Variants in RBM47 observed in about 807,000 individuals in gnomAD.
The protein encoded by RBM47 is RNA-binding protein 47.
Under a neutral mutation model 47.1 loss-of-function variants are expected in RBM47, and 21 were observed. That is an observed-to-expected ratio of 0.45 (90% CI 0.32 to 0.64). The LOEUF (loss-of-function observed/expected upper bound fraction) is 0.64. Ranked by LOEUF, RBM47 falls within the 30% of genes least tolerant of loss-of-function variation. RBM47 has a pLI of 0.05. For missense variants in RBM47, 708 were observed against 870.9 expected, an observed-to-expected ratio of 0.81 and a Z score of 2.35; for synonymous variants, 375 against 361.7, an observed-to-expected ratio of 1.04 and a Z score of -0.42.
intron 2 of RBM47, among the ~76,000 whole-genome samples, chr4:40,489,802 C>T (rs950718695): frequency 2.2e-4 from 34 of 152,186 alleles, no homozygotes; most frequent in African/African-American, 7.7e-4. Context: ...GGGACTAGAA[C>T]ACTTCCCACT....
intron 2 of RBM47, among the ~76,000 whole-genome samples, chr4:40,486,595 C>T (rs772335882): frequency 2.6e-5 from 4 of 152,078 alleles, no homozygotes; most frequent in Non-Finnish European, 4.4e-5. Flanking sequence ...GTCAGGAGTT[C>T]GAGACCAGAC....
At chr4:40,556,513 A>T (rs906870960) in intron 1 of RBM47, among the ~76,000 whole-genome samples, 2 of 152,092 alleles carry the variant, frequency 1.3e-5, no homozygotes, top group Admixed American at 6.6e-5. Flanking sequence ...TCTCAAAAAT[A>T]AAGTAATTGC....
intron 1 of RBM47, among the ~76,000 whole-genome samples, chr4:40,569,619 C>CA (rs1731503417): frequency 6.6e-6 from 1 of 151,730 alleles, no homozygotes; most frequent in Non-Finnish European, 1.5e-5. Context: ...CCGTGTTAGC[C>CA]AGGACGGTCT....
chr4:40,484,925 C>G (rs901721017), intron 2 of RBM47, among the ~76,000 whole-genome samples: 1 of 152,296 alleles, frequency 6.6e-6, no homozygotes, highest in South Asian at 2.1e-4. Flanking sequence ...CACAACATTG[C>G]CTAAACAGCA....
intron 1 of RBM47, among the ~76,000 whole-genome samples, chr4:40,585,159 G>C (rs992764713): frequency 1.2e-4 from 18 of 152,148 alleles, no homozygotes; most frequent in African/African-American, 4.3e-4. Flanking sequence ...ACAAATCCTT[G>C]TTTGCAAAAT....
chr4:40,583,483 C>G (rs1733192166), intron 1 of RBM47, among the ~76,000 whole-genome samples: 1 of 151,324 alleles, frequency 6.6e-6, no homozygotes, highest in Non-Finnish European at 1.5e-5. Context: ...GAGGAAACTC[C>G]TGGCCTCAGG....
rs1724422278 is a variant in RBM47 at position 40,508,440 on chromosome 4, CA to C, written c.-155+35981del. On this transcript the variant is annotated intron_variant, in intron 2 of 6. Coordinates refer to ENST00000295971, the MANE Select transcript of RBM47 (RefSeq NM_001098634.2). ...GCTGGCACAGATAGGGAATGATTTT[CA>C]GCTCATATAGTCATGTTTTTAATTC... Among the ~76,000 whole-genome samples the C allele has an allele frequency of 3.3e-5, 5 of 152,368 alleles. No individual in the cohort carries two copies. The South Asian group carries it at 1.0e-3, about 32-fold the overall frequency.
chr4:40,478,176 C>A (rs536348296), intron 2 of RBM47, among the ~76,000 whole-genome samples: 4 of 151,956 alleles, frequency 2.6e-5, no homozygotes, highest in Non-Finnish European at 4.4e-5. Context: ...CCACCACGCC[C>A]GGATAATTTT....
intron 2 of RBM47, among the ~76,000 whole-genome samples, chr4:40,505,219 T>C (rs1723929789): frequency 6.6e-6 from 1 of 152,026 alleles, no homozygotes; most frequent in Non-Finnish European, 1.5e-5. Context: ...CTGGGCACTG[T>C]GGCTCACGTC....
At chr4:40,559,184 A>G (rs879347313) in intron 1 of RBM47, among the ~76,000 whole-genome samples, 2 of 152,214 alleles carry the variant, frequency 1.3e-5, no homozygotes, top group Non-Finnish European at 2.9e-5. Flanking sequence ...TACTTCACCA[A>G]GACAGAATAT....
chr4:40,549,685 G>C (rs1729373071), intron 1 of RBM47, among the ~76,000 whole-genome samples: 1 of 151,018 alleles, frequency 6.6e-6, no homozygotes, highest in Non-Finnish European at 1.5e-5. Context: ...ACCATGCCCA[G>C]CTAATTTTTT....
intron 1 of RBM47, among the ~76,000 whole-genome samples, chr4:40,626,332 T>G (rs1486192059): frequency 6.6e-6 from 1 of 152,208 alleles, no homozygotes; most frequent in Non-Finnish European, 1.5e-5. Flanking sequence ...TGTAATCAGT[T>G]TACTTTTGGT....
At chr4:40,451,037 G>A (rs373588223) in intron 3 of RBM47, among the ~76,000 whole-genome samples, 34 of 152,142 alleles carry the variant, frequency 2.2e-4, no homozygotes, top group Non-Finnish European at 4.0e-4. Context: ...CTGGTGTCTT[G>A]ATCTGGCTCT....
chr4:40,592,573 C>T (rs761539130), intron 1 of RBM47, among the ~76,000 whole-genome samples: 15 of 151,698 alleles, frequency 9.9e-5, no homozygotes, highest in African/African-American at 2.4e-4. Flanking sequence ...TACAGGCATG[C>T]GACACCATGC....
At chr4:40,602,066 G>A (rs1014435933) in intron 1 of RBM47, among the ~76,000 whole-genome samples, 8 of 152,086 alleles carry the variant, frequency 5.3e-5, no homozygotes, top group African/African-American at 9.7e-5. Flanking sequence ...CTACTCAGGG[G>A]CTGAGGCAGG....
intron 1 of RBM47, among the ~76,000 whole-genome samples, chr4:40,610,576 C>G (rs531439593): frequency 6.9e-6 from 1 of 144,114 alleles, no homozygotes; most frequent in East Asian, 2.0e-4. Flanking sequence ...CGCCACTGCA[C>G]TCCAGCCTGG....
chr4:40,507,779 C>A (rs1385788757), intron 2 of RBM47, among the ~76,000 whole-genome samples: 1 of 151,022 alleles, frequency 6.6e-6, no homozygotes, highest in African/African-American at 2.4e-5. Flanking sequence ...GAGTGAGACT[C>A]CATCTCAAAA....
chr4:40,539,986 T>C (rs1392886562), intron 2 of RBM47, among the ~76,000 whole-genome samples: 1 of 152,156 alleles, frequency 6.6e-6, no homozygotes, highest in East Asian at 1.9e-4. Flanking sequence ...TCTTAATTTA[T>C]TAACTTACTT....
At chr4:40,454,567 A>G (rs1057446606) in intron 3 of RBM47, among the ~76,000 whole-genome samples, 11 of 152,130 alleles carry the variant, frequency 7.2e-5, no homozygotes, top group African/African-American at 2.2e-4. Context: ...GCACCATCTC[A>G]GCTCACTGCA....
Sources: gnomAD v4.1 joint callset for allele counts (sites outside exome capture counted in the v4.1 genomes callset) on GRCh38, gnomAD v4.1.1 for gene constraint, MANE v1.5 for transcripts, NCBI Gene and HGNC (gene_info 2026-07-23, HGNC 2026-07-21) for gene names.